SEPTIN7: variants seen among roughly 807,000 people sequenced by gnomAD.
SEPTIN7 encodes the protein septin-7.
In SEPTIN7, 10 loss-of-function variants were observed where a neutral mutation model predicts 63.3. The ratio of observed to expected loss-of-function variants is 0.16; its 90% CI spans 0.10 to 0.27. The LOEUF is 0.27. Among genes scored for constraint, SEPTIN7 ranks in the 10% least tolerant of loss-of-function variants. The probability of loss-of-function intolerance (pLI) is 1.00; values close to 1 mark genes in which losing one functional copy is unlikely to be tolerated. For synonymous variants in SEPTIN7, 131 were observed against 165.3 expected, an observed-to-expected ratio of 0.79 and a Z score of 1.59; for missense variants, 310 against 521.0, an observed-to-expected ratio of 0.59 and a Z score of 3.94.
In SEPTIN7 at chr7:35,801,220, G is replaced by A. The variant is rs1282514727; in HGVS notation, c.11G>A (p.Ser4Asn). Residue 4 changes from serine to asparagine, a missense_variant, in exon 1 of 14, where the codon AGT (serine) becomes AAT (asparagine). Physicochemically the swap from Ser to Asn is conservative, Grantham distance 46. This residue lies in a region of SEPTIN7 where 55 missense variants were observed against 30.5 expected (regional missense o/e 1.80). Coordinates refer to ENST00000350320, the MANE Select transcript of SEPTIN7 (RefSeq NM_001788.6). ...GGAGGGGGGGAGGGGATGTCGGTCA[G>A]TGCGAGATCCGCTGCTGCTGAGGAG... The part of the protein sequence containing the change: MSV[S>N]ARSAAAEERS... 1 of 1,532,912 alleles carries A rather than the reference G, an allele frequency of 6.5e-7. No homozygotes were observed. The highest frequency in any genetic ancestry group is 8.8e-7 in the Non-Finnish European group (1 of 1,140,426). 95.0% of individuals were successfully genotyped at this position (1,532,912 alleles called of 1,614,324 possible). A position where few individuals can be genotyped will look rare whatever the true frequency, so the allele number is the denominator to read the frequency against.
intron 3 of SEPTIN7, among the ~76,000 whole-genome samples, chr7:35,853,738 A>T (rs1243728832): frequency 6.6e-6 from 1 of 152,194 alleles, no homozygotes; most frequent in African/African-American, 2.4e-5. Context: ...GTTATTGTTA[A>T]TGAAGATACT....
intron 11 of SEPTIN7, among the ~76,000 whole-genome samples, chr7:35,895,203 G>GA (rs1333998537): frequency 6.6e-6 from 1 of 151,864 alleles, no homozygotes; most frequent in East Asian, 1.9e-4. Context: ...GTTTTACTTG[G>GA]AAAAAAATAG....
At chr7:35,848,312 G>A (rs1309468647) in intron 3 of SEPTIN7, among the ~76,000 whole-genome samples, 1 of 152,068 alleles carries the variant, frequency 6.6e-6, no homozygotes. Flanking sequence ...CTGTCGCCCA[G>A]GCTGGAGTAC....
At chr7:35,847,655 GT>G (rs1365396230) in intron 3 of SEPTIN7, among the ~76,000 whole-genome samples, 1 of 151,928 alleles carries the variant, frequency 6.6e-6, no homozygotes, top group Non-Finnish European at 1.5e-5. Context: ...ATTAAGTATA[GT>G]CACACCACTA....
intron 1 of SEPTIN7, among the ~76,000 whole-genome samples, chr7:35,815,790 A>C (rs1789018522): frequency 6.6e-6 from 1 of 151,964 alleles, no homozygotes; most frequent in African/African-American, 2.4e-5. Context: ...TTTATTTGTT[A>C]CTATTTCTTT....
chr7:35,896,143 G>T (rs142138798), intron 11 of SEPTIN7, among the ~76,000 whole-genome samples: 1 of 152,188 alleles, frequency 6.6e-6, no homozygotes, highest in African/African-American at 2.4e-5. Context: ...TGTTTTATCC[G>T]CAGTCTCTTA....
intron 4 of SEPTIN7, among the ~76,000 whole-genome samples, chr7:35,871,180 C>T (rs1406803847): frequency 3.2e-4 from 48 of 152,224 alleles, no homozygotes; most frequent in Admixed American, 3.1e-3. Context: ...ATATCAGGAT[C>T]AAAGCAGTTT....
intron 9 of SEPTIN7, among the ~76,000 whole-genome samples, chr7:35,884,780 TG>T (rs1787125822): frequency 6.6e-6 from 1 of 152,154 alleles, no homozygotes; most frequent in Non-Finnish European, 1.5e-5. Flanking sequence ...TTACTAGTTT[TG>T]TAAGGAGTTT....
At chr7:35,887,705 T>TC (rs1369009478) in intron 10 of SEPTIN7, among the ~76,000 whole-genome samples, 1 of 152,214 alleles carries the variant, frequency 6.6e-6, no homozygotes, top group Non-Finnish European at 1.5e-5. Context: ...GTGAGGGACC[T>TC]CCCTAGTATA....
At chr7:35,886,065 A>G (rs1787226237) in intron 10 of SEPTIN7, among the ~76,000 whole-genome samples, 186 bp downstream of exon 10, 1 of 152,236 alleles carries the variant, frequency 6.6e-6, no homozygotes. Flanking sequence ...CAAAAGTTGC[A>G]AAGTAATTTG....
intron 1 of SEPTIN7, among the ~76,000 whole-genome samples, chr7:35,830,893 C>G (rs764379940): frequency 2.0e-5 from 3 of 152,126 alleles, no homozygotes; most frequent in Non-Finnish European, 4.4e-5. Flanking sequence ...TTTCCTGTAT[C>G]TAAATGTCTA....
intron 6 of SEPTIN7, among the ~76,000 whole-genome samples, chr7:35,874,826 A>T (rs1436403194): frequency 6.6e-6 from 1 of 152,154 alleles, no homozygotes; most frequent in Admixed American, 6.5e-5. Flanking sequence ...CTCTCAGTTT[A>T]CATGTTTAAA....
At chr7:35,912,497 T>C in the SEPTIN7 span, among the ~76,000 whole-genome samples, 3 of 152,248 alleles carry the variant, frequency 2.0e-5, no homozygotes, top group Non-Finnish European at 4.4e-5. Flanking sequence ...TAAATCTCTG[T>C]TCGGGGCTCT....
chr7:35,853,321 G>T (rs1319301501), intron 3 of SEPTIN7, among the ~76,000 whole-genome samples: 2 of 152,172 alleles, frequency 1.3e-5, no homozygotes, highest in African/African-American at 2.4e-5. Context: ...AGCTACTCGG[G>T]AGGCTGAGGT....
chr7:35,860,974 A>G (rs1488288275), intron 3 of SEPTIN7, among the ~76,000 whole-genome samples: 1 of 151,962 alleles, frequency 6.6e-6, no homozygotes, highest in African/African-American at 2.4e-5. Context: ...CAATTGATTT[A>G]TTTCATAATC....
rs573055171 is a variant in SEPTIN7 at position 35,812,418 on chromosome 7, A to T, written c.61+11148A>T. ...AAAGCTAAACATGTGGTCAACACAG[A>T]GGAAATGCAGAAATAATGCTACAGA... On this transcript the variant is annotated intron_variant, in intron 1 of 13. Transcript: ENST00000350320. 2.0e-5 allele frequency among the ~76,000 whole-genome samples: 3 copies of T among 151,990 alleles called. No individual in the cohort carries two copies. The East Asian group carries it at 5.8e-4, about 29-fold the overall frequency.
chr7:35,898,897 TA>T (rs1169301029), intron 12 of SEPTIN7: 1 of 152,378 alleles, frequency 6.6e-6, no homozygotes. Flanking sequence ...GTTAACAGGT[TA>T]GGCCTTCTTT....
chr7:35,864,021 T>C (rs1785663407), intron 4 of SEPTIN7, among the ~76,000 whole-genome samples: 1 of 151,392 alleles, frequency 6.6e-6, no homozygotes, highest in African/African-American at 2.4e-5. Flanking sequence ...ACATTTCAAG[T>C]GCTCAACAGC....
intron 3 of SEPTIN7, 23 bp from the exon 4 acceptor site, chr7:35,863,529 A>G (rs1484189601): frequency 4.9e-6 from 7 of 1,436,520 alleles, no homozygotes; most frequent in South Asian, 3.5e-5. Flanking sequence ...AGTTTAACAG[A>G]TATTTTCCCT....
Sources: gnomAD v4.1 joint callset for allele counts (sites outside exome capture counted in the v4.1 genomes callset) on GRCh38, gnomAD v4.1.1 for gene constraint, gnomAD v4.1.1 regional missense constraint, MANE v1.5 for transcripts, NCBI Gene and HGNC (gene_info 2026-07-23, HGNC 2026-07-21) for gene names.